The following PRDM10 variants were observed in gnomAD, a reference collection of about 807,000 sequenced individuals.
PRDM10 encodes the protein PR/SET domain 10.
PRDM10 carries 65 observed loss-of-function variants against 133.1 expected under a neutral mutation model. The ratio of observed to expected loss-of-function variants is 0.49; its 90% CI spans 0.40 to 0.60. The LOEUF is 0.60. Among genes scored for constraint, PRDM10 ranks in the 20% least tolerant of loss-of-function variants. The pLI, the probability that PRDM10 is intolerant of heterozygous loss-of-function variation, is 0.00. For missense variants in PRDM10, 1,137 were observed against 1,507.1 expected, an observed-to-expected ratio of 0.75 and a Z score of 4.07; for synonymous variants, 582 against 580.4, an observed-to-expected ratio of 1.00 and a Z score of -0.04.
chr11:129,993,878 G>C (rs1387380802), intron 1 of PRDM10, among the ~76,000 whole-genome samples: 1 of 152,082 alleles, frequency 6.6e-6, no homozygotes, highest in South Asian at 2.1e-4. Context: ...CTTGGGCCTT[G>C]GCAAATGTTT....
At position 129,923,188 on chromosome 11, in the gene PRDM10, C is replaced by T; in HGVS notation, c.2034+60G>A. On this transcript the variant is annotated intron_variant, in intron 13 of 20. Coordinates refer to ENST00000360871, the MANE Select transcript of PRDM10 (RefSeq NM_199437.2). This position sits in a 1 kb window ranked among gnomAD's most constrained non-coding sequence, Gnocchi z 4.4. ...GATGAAATGAACAGGCATTTACCCTCAGCTTGCTATAATTCCAGTGGCCAC... is the reference window on the plus strand; with the variant it reads ...GATGAAATGAACAGGCATTTACCCTTAGCTTGCTATAATTCCAGTGGCCAC... 1 of 1,486,644 alleles carries T rather than the reference C, an allele frequency of 6.7e-7. No individual in the cohort carries two copies. Among genetic ancestry groups the T allele is most frequent in the Non-Finnish European group, 9.0e-7 (1 of 1,111,934 alleles). 92.1% of individuals were successfully genotyped at this position (1,486,644 alleles called of 1,614,324 possible).
At chr11:129,994,175 T>C (rs754496238) in intron 1 of PRDM10, among the ~76,000 whole-genome samples, 15 of 151,596 alleles carry the variant, frequency 9.9e-5, no homozygotes, top group Non-Finnish European at 1.8e-4. Flanking sequence ...TATATAAGTA[T>C]GAAAATAAAC....
chr11:129,910,652 G>A lies in PRDM10; in HGVS notation c.2987C>T (p.Ser996Phe). 1 of 1,559,432 alleles carries A rather than the reference G, an allele frequency of 6.4e-7. No individual in the cohort carries two copies. Among genetic ancestry groups the A allele is most frequent in the South Asian group, 1.2e-5 (1 of 83,816 alleles). ...GGCTGAGGGACTCAACGGCTGCCCA[G>A]ATACCTGGGGAGAAAGAGAAAGCAA... ...TASAPSSAQV[S>F]GQPLSPSAQQ... Residue 996 changes from serine (S) to phenylalanine (F), a missense_variant, in exon 19 of 21, where the codon TCT (serine) becomes TTT (phenylalanine). Around this residue, in one of 6 missense-constraint regions of PRDM10, gnomAD observed 243 missense variants for 259.2 expected, o/e 0.94. Coordinates refer to ENST00000360871, the MANE Select transcript of PRDM10 (RefSeq NM_199437.2).
chr11:129,994,974 T>C (rs1938971078), intron 1 of PRDM10, among the ~76,000 whole-genome samples: 1 of 152,208 alleles, frequency 6.6e-6, no homozygotes, highest in Non-Finnish European at 1.5e-5. Flanking sequence ...TCTTAAAATG[T>C]ATAAATGAAA....
chr11:129,900,215 A>T lies in PRDM10; in HGVS notation c.*2098T>A, dbSNP rs1349590682. On this transcript the variant is annotated 3_prime_UTR_variant, in exon 21 of 21. Coordinates refer to ENST00000360871, the MANE Select transcript of PRDM10 (RefSeq NM_199437.2). ...TCTTCAAATCCAGGTCCTTTTAAAA[A>T]TCTATGACCTTGGAATGAATGTGCA... 1 of 152,232 alleles carries T rather than the reference A, an allele frequency of 6.6e-6. No individual in the cohort carries two copies. The highest frequency in any genetic ancestry group is 1.5e-5 in the Non-Finnish European group (1 of 68,036). 9.4% of individuals were successfully genotyped at this position (152,232 alleles called of 1,614,324 possible). A position where few individuals can be genotyped will look rare whatever the true frequency, so the allele number is the denominator to read the frequency against.
intron 7 of PRDM10, among the ~76,000 whole-genome samples, chr11:129,938,638 CCA>C (rs1328433777): frequency 6.6e-6 from 1 of 152,126 alleles, no homozygotes; most frequent in Non-Finnish European, 1.5e-5. Flanking sequence ...TCCTCAAATC[CCA>C]GTTACCCCAG....
In PRDM10 at chr11:129,957,730, A is replaced by G; in HGVS notation, c.234+16T>C. 2 of 1,598,350 alleles carry G rather than the reference A, an allele frequency of 1.3e-6. No individual in the cohort carries two copies. Among genetic ancestry groups the G allele is most frequent in the Non-Finnish European group, 1.7e-6 (2 of 1,172,468 alleles). ...TAGTTAATTGACAAATTATCAACAG[A>G]TAACCCTTCACATGCCTGTGCAGCT... On this transcript the variant is annotated intron_variant, in intron 3 of 20. Coordinates refer to ENST00000360871, the MANE Select transcript of PRDM10 (RefSeq NM_199437.2).
At chr11:129,972,939 T>C (rs942775161) in intron 1 of PRDM10, among the ~76,000 whole-genome samples, 7 of 152,176 alleles carry the variant, frequency 4.6e-5, no homozygotes, top group Admixed American at 4.6e-4. Flanking sequence ...AACCCAGGCC[T>C]TTGAAGGTGG....
At chr11:129,937,789 T>G in intron 7 of PRDM10, 119 bp from the exon 8 acceptor site, 2 of 820,730 alleles carry the variant, frequency 2.4e-6, no homozygotes, top group South Asian at 3.9e-5. Flanking sequence ...CCATTAACAA[T>G]GGAAAAAAAG....
intron 1 of PRDM10, among the ~76,000 whole-genome samples, chr11:129,977,573 C>T (rs1285451478): frequency 1.3e-5 from 2 of 152,148 alleles, no homozygotes; most frequent in South Asian, 2.1e-4. Flanking sequence ...TGAGCCACTG[C>T]GCCCAGCCTA....
At chr11:129,910,337 C>A (rs1950146959) in intron 19 of PRDM10, 139 bp downstream of exon 19, 1 of 1,222,258 alleles carries the variant, frequency 8.2e-7, no homozygotes, top group Non-Finnish European at 1.1e-6. Flanking sequence ...TGTCATGAAA[C>A]CCATTGAAGT....
chr11:129,979,426 G>A (rs1040772254), intron 1 of PRDM10, among the ~76,000 whole-genome samples: 2 of 152,160 alleles, frequency 1.3e-5, no homozygotes, highest in African/African-American at 2.4e-5. Flanking sequence ...GAGCAGCGCA[G>A]TTCGGAGCTC....
At chr11:130,000,870 G>C (rs1168650703) in intron 1 of PRDM10, among the ~76,000 whole-genome samples, 1 of 152,192 alleles carries the variant, frequency 6.6e-6, no homozygotes, top group Non-Finnish European at 1.5e-5. Flanking sequence ...ACTTAGGGAT[G>C]CTGCGGCGGT....
At chr11:129,963,793 A>T (rs1951850995) in intron 1 of PRDM10, among the ~76,000 whole-genome samples, 1 of 152,190 alleles carries the variant, frequency 6.6e-6, no homozygotes, top group Non-Finnish European at 1.5e-5. Context: ...CAGTAATATT[A>T]CCTAATTCAC....
intron 16 of PRDM10, 44 bp downstream of exon 16, chr11:129,915,616 G>T (rs111702403): frequency 6.6e-7 from 1 of 1,518,778 alleles, no homozygotes; most frequent in Non-Finnish European, 8.8e-7. Flanking sequence ...GAGATTCCTC[G>T]CATGGCGGTT....
chr11:130,001,040 G>A (rs1198233676), intron 1 of PRDM10, among the ~76,000 whole-genome samples: 1 of 152,186 alleles, frequency 6.6e-6, no homozygotes, highest in African/African-American at 2.4e-5. Flanking sequence ...CCGGGAGGTC[G>A]AGTCGGCAGT....
chr11:129,961,487 G>A (rs1951794818), intron 1 of PRDM10, among the ~76,000 whole-genome samples: 1 of 151,978 alleles, frequency 6.6e-6, no homozygotes, highest in Admixed American at 6.5e-5. Context: ...TATATTTTTA[G>A]TAGAGATGTG....
At chr11:129,982,577 G>A (rs1478271384) in intron 1 of PRDM10, among the ~76,000 whole-genome samples, 1 of 152,132 alleles carries the variant, frequency 6.6e-6, no homozygotes, top group Non-Finnish European at 1.5e-5. Context: ...TTAAATTTGA[G>A]TAACTTTACA....
intron 13 of PRDM10, among the ~76,000 whole-genome samples, chr11:129,921,983 A>G (rs542545533): frequency 6.6e-6 from 1 of 152,232 alleles, no homozygotes; most frequent in African/African-American, 2.4e-5. Context: ...CCAGATTCCC[A>G]GGTAACTTCC....
Sources: allele counts gnomAD v4.1 joint callset (sites outside exome capture counted in the v4.1 genomes callset), GRCh38; gene constraint gnomAD v4.1.1; regional missense constraint gnomAD v4.1.1; non-coding constraint Gnocchi (gnomAD v3.1); transcripts MANE v1.5; gene names NCBI Gene and HGNC (gene_info 2026-07-23, HGNC 2026-07-21).